BOC: variants seen among roughly 807,000 people sequenced by gnomAD.
The protein encoded by BOC is BOC cell adhesion associated, oncogene regulated, also known as brother of CDO.
In BOC, 76 loss-of-function variants were observed where a neutral mutation model predicts 112.0. That is an observed-to-expected ratio of 0.68 (90% CI 0.56 to 0.82). The LOEUF (loss-of-function observed/expected upper bound fraction) is 0.82, where lower values mean the gene tolerates loss of function less well. BOC is among the 40% of genes least tolerant of loss of function. BOC has a pLI of 0.00. For synonymous variants in BOC, 580 were observed against 599.8 expected, an observed-to-expected ratio of 0.97 and a Z score of 0.48; for missense variants, 1,309 against 1,511.7, an observed-to-expected ratio of 0.87 and a Z score of 2.22.
intron 2 of BOC, among the ~76,000 whole-genome samples, chr3:113,233,147 GGGT>G (rs1324445236): frequency 3.0e-5 from 4 of 133,602 alleles, no homozygotes; most frequent in African/African-American, 1.2e-4. Flanking sequence ...TAAAGGATTG[GGGT>G]GTGTGTGTGT....
rs563444805 is a variant in BOC at position 113,221,495 on chromosome 3, G to C, written c.-82+5221G>C. Reference sequence around the variant, plus strand: ...TCCCCTCTGCTTCTTCCCCAACTCAGTGTATCCCATTCTACCAGGTGTGCC... The same window carrying C: ...TCCCCTCTGCTTCTTCCCCAACTCACTGTATCCCATTCTACCAGGTGTGCC... On this transcript the variant is annotated intron_variant, in intron 2 of 19. Transcript: ENST00000682979. 1.2e-4 allele frequency among the ~76,000 whole-genome samples: 18 copies of C among 152,302 alleles called. No individual in the cohort carries two copies. In the South Asian group the frequency reaches 3.5e-3, roughly 30 times the overall value.
intron 2 of BOC, among the ~76,000 whole-genome samples, chr3:113,223,285 A>G (rs1408940372): frequency 6.6e-6 from 1 of 152,180 alleles, no homozygotes; most frequent in Non-Finnish European, 1.5e-5. Flanking sequence ...AGCCCTTTTT[A>G]AAAACAATTT....
rs1380583111 is a variant in BOC, at chr3:113,272,450, G to A, written c.708G>A (p.Glu236=). 3 of 1,614,026 alleles carry A rather than the reference G, an allele frequency of 1.9e-6. No homozygotes were observed. Among genetic ancestry groups the A allele is most frequent in the East Asian group, 2.2e-5 (1 of 44,846 alleles). The change falls in exon 7 of 20, where the codon GAG becomes GAA. Residue 236 remains glutamate, a synonymous_variant. Coordinates refer to ENST00000682979, the MANE Select transcript of BOC (RefSeq NM_001378074.1). The part of the protein sequence containing the change: ...AEAARIIYPP[E]AQTIIVTKGQ... ...CTGCCCGCATCATCTACCCCCCAGA[G>A]GCCCAAACCATCATCGTCACCAAAG...
intron 2 of BOC, among the ~76,000 whole-genome samples, chr3:113,245,277 T>G (rs1460760448): frequency 3.9e-5 from 6 of 152,136 alleles, no homozygotes; most frequent in Middle Eastern, 3.4e-3. Flanking sequence ...AGAGACAGAG[T>G]CTTGCTCTGT....
At chr3:113,254,695 C>T (rs952126178) in intron 4 of BOC, among the ~76,000 whole-genome samples, 7 of 152,232 alleles carry the variant, frequency 4.6e-5, no homozygotes, top group South Asian at 4.1e-4. Flanking sequence ...CTCTTCTCCA[C>T]GCTGTCCCAT....
rs1553737946 is a variant in BOC at position 113,260,721 on chromosome 3, A to ACAGAAC, written c.377-7578_377-7577insCAGAAC. 2.4e-3 allele frequency among the ~76,000 whole-genome samples: 217 copies of ACAGAAC among 92,244 alleles called. 3 individuals are homozygous for ACAGAAC. The highest frequency in any genetic ancestry group is 7.0e-3 in the African/African-American group (167 of 24,006). 60.5% of individuals were successfully genotyped at this position (92,244 alleles called of 152,430 possible). On this transcript the variant is annotated intron_variant, in intron 4 of 19. Coordinates refer to ENST00000682979, the MANE Select transcript of BOC (RefSeq NM_001378074.1). ...ACAGAACAGAACAGAACAGAACAGA[A>ACAGAAC]AGAACAGAACAGAACAGAACAGAAC...
chr3:113,237,755 A>C (rs1302600738), intron 2 of BOC, among the ~76,000 whole-genome samples: 1 of 152,198 alleles, frequency 6.6e-6, no homozygotes, highest in Non-Finnish European at 1.5e-5. Context: ...CCCCAGGAAA[A>C]AAAATTGGTT....
intron 4 of BOC, chr3:113,262,031 A>G (rs981916136): frequency 6.6e-6 from 1 of 152,188 alleles, no homozygotes; most frequent in Non-Finnish European, 1.5e-5. Flanking sequence ...TAAATAAAAA[A>G]GAGCATGCCT....
intron 1 of BOC, chr3:113,212,616 C>T (rs1338199805): frequency 3.9e-5 from 6 of 152,630 alleles, no homozygotes; most frequent in South Asian, 2.1e-4. Context: ...GGAAGCATCC[C>T]TAGCTGTTGG....
chr3:113,273,933 C>T lies in BOC; in HGVS notation c.1235-442C>T, dbSNP rs574451446. 5.8e-4 allele frequency among the ~76,000 whole-genome samples: 88 copies of T among 152,336 alleles called. 1 individual carries two copies. The highest frequency in any genetic ancestry group is 2.0e-3 in the African/African-American group (85 of 41,574). On this transcript the variant is annotated intron_variant, in intron 8 of 19. Transcript: ENST00000682979. ...CCTGGCCTCACAGACTCTCAGAGGA[C>T]ATTCCCAGTTGCGTTCATATCTCAT... is the stretch of plus-strand genomic sequence containing the variant.
At chr3:113,268,991 C>A (rs1947818985) in intron 5 of BOC, among the ~76,000 whole-genome samples, 1 of 152,154 alleles carries the variant, frequency 6.6e-6, no homozygotes, top group Non-Finnish European at 1.5e-5. Flanking sequence ...TTTCTTTATC[C>A]TTTCAGGCTC....
chr3:113,242,600 A>G (rs1944445322), intron 2 of BOC, among the ~76,000 whole-genome samples: 1 of 151,914 alleles, frequency 6.6e-6, no homozygotes, highest in South Asian at 2.1e-4. Flanking sequence ...GAGTGGAAAT[A>G]GGCTCTGTTT....
At chr3:113,258,177 C>G (rs1271038555) in intron 4 of BOC, among the ~76,000 whole-genome samples, 2 of 152,160 alleles carry the variant, frequency 1.3e-5, no homozygotes, top group Non-Finnish European at 2.9e-5. Context: ...TTTCTGAGTC[C>G]TCACATACCT....
chr3:113,274,683 G>T lies in BOC; in HGVS notation c.1542+1G>T, dbSNP rs746907518. Reference sequence around the variant, plus strand: ...CTACTATGTGGTGAAACACCGCAAGGTATGGCCCTGGTGTGGGGCTGCTGC... The same window carrying T: ...CTACTATGTGGTGAAACACCGCAAGTTATGGCCCTGGTGTGGGGCTGCTGC... On this transcript the variant is annotated splice_donor_variant, in intron 9 of 19. Transcript: ENST00000682979. LOFTEE classifies it high-confidence loss of function. The surrounding 1 kb of genome is among the most constrained non-coding windows in gnomAD (Gnocchi z 4.8). 6.3e-7 allele frequency: 1 copy of T among 1,583,790 alleles called. No homozygotes were observed. The highest frequency in any genetic ancestry group is 1.1e-5 in the South Asian group (1 of 88,334).
At chr3:113,232,603 A>G (rs1472436131) in intron 2 of BOC, among the ~76,000 whole-genome samples, 2 of 151,800 alleles carry the variant, frequency 1.3e-5, no homozygotes, top group African/African-American at 2.4e-5. Context: ...ACACGTGCAC[A>G]TGCCTGCCTG....
chr3:113,216,233 ACAT>A lies in BOC; in HGVS notation c.-122_-120del, dbSNP rs1265176480. The A allele has an allele frequency of 4.4e-6, 2 of 456,592 alleles. No individual in the cohort carries two copies. Among genetic ancestry groups the A allele is most frequent in the African/African-American group, 4.0e-5 (2 of 50,072 alleles). The allele number at this position is 456,592 out of a possible 1,614,324, so 28.3% of individuals were successfully genotyped here. On this transcript the variant is annotated 5_prime_UTR_variant, in exon 2 of 20. Coordinates refer to ENST00000682979, the MANE Select transcript of BOC (RefSeq NM_001378074.1). Reference sequence around the variant, plus strand: ...ACCCATGACCCATGAAGTCTTGTCGACATTTATACCGTCTGAGGGTAGCAGCTC... The same window carrying A: ...ACCCATGACCCATGAAGTCTTGTCGATTATACCGTCTGAGGGTAGCAGCTC...
chr3:113,284,856 G>A lies in BOC; in HGVS notation c.2964G>A (p.Thr988=). 6 of 1,614,036 alleles carry A rather than the reference G, an allele frequency of 3.7e-6. No individual in the cohort carries two copies. The highest frequency in any genetic ancestry group is 4.2e-6 in the Non-Finnish European group (5 of 1,179,892). Residue 988 remains threonine (T), a splice_region_variant and synonymous_variant, in exon 18 of 20, where the codon ACG becomes ACA. Transcript: ENST00000682979. ...NGYDPQSHQI[T]RGPKSSPDEG... ...ATGACCCCCAAAGTCACCAGATCAC[G>A]AGGTAACCAGGCCTCTCCCCTTTCA...
At chr3:113,231,539 G>A (rs1225384587) in intron 2 of BOC, among the ~76,000 whole-genome samples, 1 of 152,178 alleles carries the variant, frequency 6.6e-6, no homozygotes, top group Non-Finnish European at 1.5e-5. Context: ...TTTGTCAAAT[G>A]AGTCCAGGTT....
In BOC at chr3:113,280,672, C is replaced by T; in HGVS notation, c.2311+9C>T. The T allele has an allele frequency of 6.4e-7, 1 of 1,572,946 alleles. No homozygotes were observed. The highest frequency in any genetic ancestry group is 8.8e-7 in the Non-Finnish European group (1 of 1,142,550). On this transcript the variant is annotated intron_variant, in intron 14 of 19. Transcript: ENST00000682979. ...GAAGGATATGGTGGAAGGTGAGACA[C>T]AGTTCTGTGTTTATAGCTTCTGCGT...
Sources: allele counts gnomAD v4.1 joint callset (sites outside exome capture counted in the v4.1 genomes callset), GRCh38; gene constraint gnomAD v4.1.1; non-coding constraint Gnocchi (gnomAD v3.1); transcripts MANE v1.5; gene names NCBI Gene and HGNC (gene_info 2026-07-23, HGNC 2026-07-21).